The following ANO4 variants were observed in gnomAD, a reference collection of about 807,000 sequenced individuals.
ANO4 encodes the protein anoctamin-4.
In ANO4, 69 loss-of-function variants were observed where a neutral mutation model predicts 141.9. The ratio of observed to expected loss-of-function variants is 0.49; its 90% CI spans 0.40 to 0.59. ANO4 has a LOEUF of 0.59. ANO4 is among the 20% of genes least tolerant of loss of function. The probability of loss-of-function intolerance (pLI) is 0.00; values close to 1 mark genes in which losing one functional copy is unlikely to be tolerated. For synonymous variants in ANO4, 350 were observed against 394.3 expected, an observed-to-expected ratio of 0.89 and a Z score of 1.33; for missense variants, 894 against 1,162.2, an observed-to-expected ratio of 0.77 and a Z score of 3.36.
chr12:100,962,319 T>G (rs2043459460), intron 5 of ANO4, among the ~76,000 whole-genome samples: 2 of 152,194 alleles, frequency 1.3e-5, no homozygotes, highest in African/African-American at 4.8e-5. Context: ...TGCTGGGTGC[T>G]GGGAATACAA....
At chr12:100,804,603 G>C (rs2034890704) in intron 1 of ANO4, among the ~76,000 whole-genome samples, 1 of 152,110 alleles carries the variant, frequency 6.6e-6, no homozygotes, top group African/African-American at 2.4e-5. Flanking sequence ...CCACAACTTT[G>C]ACAGCATCTG....
At chr12:100,848,355 G>A (rs2037689956) in intron 1 of ANO4, among the ~76,000 whole-genome samples, 1 of 152,078 alleles carries the variant, frequency 6.6e-6, no homozygotes. Flanking sequence ...GCCTTGAGGT[G>A]TATATATCAG....
chr12:100,891,028 GT>G (rs2040079830), intron 1 of ANO4, among the ~76,000 whole-genome samples: 1 of 152,110 alleles, frequency 6.6e-6, no homozygotes. Flanking sequence ...ATGCCATGTA[GT>G]TGGAACTATG....
intron 3 of ANO4, among the ~76,000 whole-genome samples, chr12:100,775,007 T>C (rs1224076421): frequency 6.6e-6 from 1 of 152,216 alleles, no homozygotes; most frequent in African/African-American, 2.4e-5. Flanking sequence ...AAGTACCTTT[T>C]GTTGTACTTC....
At position 100,939,442 on chromosome 12, in the gene ANO4, CG is replaced by C. The variant is rs1566034515; in HGVS notation, c.293del (p.Gly98GlufsTer58). ...TSDDASRLEAGGETVPERNKS... is the reference protein window; with the variant it reads ...TSDDASRLEAXGETVPERNKS... Reference sequence around the variant, plus strand: ...CAGATGATGCCAGCAGATTGGAAGCCGGGGGAGAGGTAAGAGTATATGATTT... The same window carrying C: ...CAGATGATGCCAGCAGATTGGAAGCCGGGGAGAGGTAAGAGTATATGATTT... On this transcript the variant is annotated frameshift_variant, in exon 4 of 28. Transcript: ENST00000392977. LOFTEE classifies it high-confidence loss of function. 1 of 1,613,170 alleles carries C rather than the reference CG, an allele frequency of 6.2e-7. No individual in the cohort carries two copies. The highest frequency in any genetic ancestry group is 8.5e-7 in the Non-Finnish European group (1 of 1,179,448).
chr12:100,935,641 G>C (rs1053752669), intron 3 of ANO4, among the ~76,000 whole-genome samples: 10 of 152,158 alleles, frequency 6.6e-5, no homozygotes, highest in African/African-American at 2.2e-4. Flanking sequence ...GGATAGAAAG[G>C]CCTCACTCCC....
chr12:100,726,495 G>C (rs2031126401), intron 1 of ANO4, among the ~76,000 whole-genome samples: 1 of 152,190 alleles, frequency 6.6e-6, no homozygotes, highest in Non-Finnish European at 1.5e-5. Context: ...TTTTGCTTAT[G>C]GGCCTTAAAG....
At chr12:100,724,022 A>AG (rs2030986405) in intron 1 of ANO4, among the ~76,000 whole-genome samples, 3 of 100,576 alleles carry the variant, frequency 3.0e-5, no homozygotes, top group African/African-American at 1.7e-4. Flanking sequence ...AAAAACAAAC[A>AG]AAAAACAAAA....
At chr12:100,991,429 T>C (rs956720488) in intron 8 of ANO4, among the ~76,000 whole-genome samples, 4 of 151,662 alleles carry the variant, frequency 2.6e-5, no homozygotes, top group African/African-American at 4.8e-5. Flanking sequence ...TGTTTCATAT[T>C]GTGTTTTTCT....
At chr12:100,887,885 G>A (rs908894225) in intron 1 of ANO4, among the ~76,000 whole-genome samples, 3 of 152,204 alleles carry the variant, frequency 2.0e-5, no homozygotes, top group African/African-American at 4.8e-5. Context: ...ATGTCTAGCT[G>A]TGGGAGGTCA....
intron 14 of ANO4, among the ~76,000 whole-genome samples, chr12:101,052,409 TAG>T (rs1265573129): frequency 6.6e-6 from 1 of 152,194 alleles, no homozygotes; most frequent in African/African-American, 2.4e-5. Context: ...ATCAGGGAAC[TAG>T]ATGTTGGCAG....
At chr12:101,052,430 C>T (rs1012667626) in intron 14 of ANO4, among the ~76,000 whole-genome samples, 5 of 152,110 alleles carry the variant, frequency 3.3e-5, no homozygotes, top group African/African-American at 7.2e-5. Context: ...AGAGACCTGT[C>T]GGGGAAACAG....
At chr12:100,953,337 C>T (rs1157945315) in intron 5 of ANO4, among the ~76,000 whole-genome samples, 3 of 152,240 alleles carry the variant, frequency 2.0e-5, no homozygotes, top group Non-Finnish European at 4.4e-5. Flanking sequence ...AATCCATTTA[C>T]AATCTCCAGC....
At chr12:101,012,449 A>T (rs2046135872) in intron 8 of ANO4, among the ~76,000 whole-genome samples, 1 of 152,198 alleles carries the variant, frequency 6.6e-6, no homozygotes, top group South Asian at 2.1e-4. Context: ...ATTTAATTTG[A>T]GAACAAAATG....
At chr12:101,037,305 A>G (rs191856665) in intron 10 of ANO4, among the ~76,000 whole-genome samples, 155 bp downstream of exon 10, 62 of 152,308 alleles carry the variant, frequency 4.1e-4, no homozygotes, top group African/African-American at 1.4e-3. Context: ...CAATTGTTAT[A>G]TCTCTTCCTC....
intron 8 of ANO4, among the ~76,000 whole-genome samples, chr12:100,989,551 G>A (rs865867991): frequency 5.6e-4 from 81 of 144,632 alleles, no homozygotes; most frequent in Admixed American, 2.3e-3. Flanking sequence ...GGGTGGGTGG[G>A]TGGATGGATG....
Position 101,111,618 on chromosome 12 carries a change from AT to A in ANO4, c.2361del (p.Phe787LeufsTer3). ...IGILSVITNA[F>X]VIAITSDFIP... ...GAATTCTCTCTGTTATCACAAATGC[AT>A]TTGTCATAGCGATAACATCTGACTT... On this transcript the variant is annotated frameshift_variant, in exon 24 of 28. Transcript: ENST00000392977. LOFTEE classifies it high-confidence loss of function. The A allele has an allele frequency of 6.2e-7, 1 of 1,612,530 alleles. No homozygotes were observed. The highest frequency in any genetic ancestry group is 8.5e-7 in the Non-Finnish European group (1 of 1,179,330).
intron 3 of ANO4, among the ~76,000 whole-genome samples, chr12:100,761,917 G>A (rs2032875087): frequency 6.6e-6 from 1 of 152,118 alleles, no homozygotes; most frequent in African/African-American, 2.4e-5. Context: ...CTCCAAAGCT[G>A]CCCTTCTTTC....
intron 11 of ANO4, among the ~76,000 whole-genome samples, chr12:101,040,991 G>A (rs2047391516): frequency 6.6e-6 from 1 of 152,086 alleles, no homozygotes; most frequent in South Asian, 2.1e-4. Flanking sequence ...ATATATGTGT[G>A]TGTTTTTTTT....
Sources: gnomAD v4.1 joint callset for allele counts (sites outside exome capture counted in the v4.1 genomes callset) on GRCh38, gnomAD v4.1.1 for gene constraint, MANE v1.5 for transcripts, NCBI Gene and HGNC (gene_info 2026-07-23, HGNC 2026-07-21) for gene names.